PSMF1: variants seen among roughly 807,000 people sequenced by gnomAD.
PSMF1 encodes the protein proteasome inhibitor subunit 1, also known as proteasome inhibitor PI31 subunit.
A neutral mutation model predicts 29.3 loss-of-function variants in PSMF1; 30 were observed. The observed-to-expected ratio is 1.02, with a 90% CI of 0.77 to 1.39. The LOEUF is 1.39. Among genes scored for constraint, PSMF1 ranks in the 40% most tolerant of loss-of-function variants. PSMF1 has a pLI of 0.00. For synonymous variants in PSMF1, 134 were observed against 139.7 expected, an observed-to-expected ratio of 0.96 and a Z score of 0.29; for missense variants, 344 against 357.5, an observed-to-expected ratio of 0.96 and a Z score of 0.31.
intron 4 of PSMF1, among the ~76,000 whole-genome samples, chr20:1,152,009 T>C (rs893591172): frequency 6.6e-6 from 1 of 151,908 alleles, no homozygotes; most frequent in African/African-American, 2.4e-5. Flanking sequence ...ATTTGATCCA[T>C]GGGGTGATGG....
At chr20:1,149,818 T>C (rs2086503356) in intron 4 of PSMF1, among the ~76,000 whole-genome samples, 2 of 152,176 alleles carry the variant, frequency 1.3e-5, no homozygotes, top group African/African-American at 4.8e-5. Flanking sequence ...AGTGAATTGC[T>C]TGAGCCTAGA....
intron 3 of PSMF1, among the ~76,000 whole-genome samples, chr20:1,127,987 T>C (rs945721879): frequency 1.3e-5 from 2 of 152,226 alleles, no homozygotes; most frequent in African/African-American, 4.8e-5. Context: ...TACATAATGA[T>C]TCATTTGTTA....
chr20:1,152,114 G>A (rs762405537), intron 4 of PSMF1, among the ~76,000 whole-genome samples: 4 of 152,150 alleles, frequency 2.6e-5, no homozygotes, highest in Non-Finnish European at 5.9e-5. Flanking sequence ...TATTCTGACA[G>A]TGGACGTGTT....
upstream of PSMF1, chr20:1,117,721 G>A (rs2086025972): frequency 1.3e-5 from 2 of 152,270 alleles, no homozygotes; most frequent in African/African-American, 2.4e-5. Context: ...AATGGAATGG[G>A]GCAGTTCTGA....
rs1279378674 is a variant in PSMF1, at chr20:1,171,648, A to C, written c.*6568A>C. ...GCAGCTAGGCTGAGTGTTAAGAGGAAGGTGCCATACAGGTTCAGCACCCTG... is the reference window on the plus strand; with the variant it reads ...GCAGCTAGGCTGAGTGTTAAGAGGACGGTGCCATACAGGTTCAGCACCCTG... On this transcript the variant is annotated 3_prime_UTR_variant, in exon 7 of 7. Transcript: ENST00000335877. Among the ~76,000 whole-genome samples, 1 of 152,172 alleles carries C rather than the reference A, an allele frequency of 6.6e-6. No homozygotes were observed. The highest frequency in any genetic ancestry group is 1.5e-5 in the Non-Finnish European group (1 of 68,028).
intron 3 of PSMF1, among the ~76,000 whole-genome samples, chr20:1,133,569 A>ATATATATATATATATTTTTTTT: frequency 0.013 from 696 of 52,786 alleles, 19 homozygotes; most frequent in East Asian, 0.02. Context: ...ATATATATAT[A>ATATATATATATATATTTTTTTT]TTTTTTTTTT....
At chr20:1,120,109 C>G (rs181279990) in intron 1 of PSMF1, among the ~76,000 whole-genome samples, 84 of 152,104 alleles carry the variant, frequency 5.5e-4, no homozygotes, top group African/African-American at 1.8e-3. Flanking sequence ...CTCTCTGTCT[C>G]TTAGAACTAA....
intron 4 of PSMF1, among the ~76,000 whole-genome samples, chr20:1,143,768 A>G (rs1449975887): frequency 1.3e-5 from 2 of 152,328 alleles, no homozygotes; most frequent in East Asian, 3.9e-4. Context: ...CTCAAAATCA[A>G]CAGCTTAAGA....
In PSMF1 at chr20:1,163,820, A is replaced by G. The variant is rs74622641; in HGVS notation, c.606-498A>G. On this transcript the variant is annotated intron_variant, in intron 5 of 6. Transcript: ENST00000335877. The surrounding 1 kb of genome is among the most constrained non-coding windows in gnomAD (Gnocchi z 6.1). ...TCCATGAGGGACAGATGCTGTCAGG[A>G]GCCACACTTAGGCAATCTACAGGCA... Among the ~76,000 whole-genome samples the G allele has an allele frequency of 0.068, 10,342 of 152,276 alleles. 884 individuals are homozygous for G. The highest frequency in any genetic ancestry group is 0.19 in the African/African-American group (8,085 of 41,526).
In PSMF1 at chr20:1,125,639, C is replaced by G; in HGVS notation, c.271C>G (p.Leu91Val). 4 of 1,611,930 alleles carry G rather than the reference C, an allele frequency of 2.5e-6. No homozygotes were observed. The highest frequency in any genetic ancestry group is 3.4e-6 in the Non-Finnish European group (4 of 1,178,962). Residue 91 changes from leucine to valine, a missense_variant, in exon 2 of 7, where the codon CTC (leucine) becomes GTC (valine). Transcript: ENST00000335877. Reference sequence around the variant, plus strand: ...CATCACCGTGGAGAGCAGCATGATCCTCAATGTGCTGGTGAGTCTCTGGGA... The same window carrying G: ...CATCACCGTGGAGAGCAGCATGATCGTCAATGTGCTGGTGAGTCTCTGGGA... ...KAITVESSMI[L>V]NVLEYGSQQV... is the part of the protein sequence containing the mutation.
intron 4 of PSMF1, among the ~76,000 whole-genome samples, chr20:1,147,648 T>A (rs924493483): frequency 1.3e-5 from 2 of 152,112 alleles, no homozygotes; most frequent in Admixed American, 6.5e-5. Context: ...CTCTAGCAAA[T>A]TGACAGCCTA....
intron 3 of PSMF1, among the ~76,000 whole-genome samples, chr20:1,134,329 G>C (rs768837118): frequency 6.6e-6 from 1 of 151,946 alleles, no homozygotes; most frequent in Admixed American, 6.6e-5. Context: ...TTGTGACTTT[G>C]ATCCAAGGAT....
intron 2 of PSMF1, 133 bp downstream of exon 2, chr20:1,125,783 T>C: frequency 8.1e-7 from 1 of 1,240,282 alleles, no homozygotes; most frequent in Non-Finnish European, 1.1e-6. Flanking sequence ...CTTCTGGAAC[T>C]TTATCTTAAG....
intron 3 of PSMF1, chr20:1,134,797 G>A: frequency 2.5e-6 from 1 of 404,832 alleles, no homozygotes. Flanking sequence ...ATGAAGCTGA[G>A]GGAGGGGTGA....
Position 1,169,829 on chromosome 20 carries a change from G to A in PSMF1, c.*4749G>A, listed in dbSNP as rs1344382560. ...TGGTACTGGCATGGAATATTGGGGAGATGTCTTTATTCCCTCTTCCCACCT... is the reference window on the plus strand; with the variant it reads ...TGGTACTGGCATGGAATATTGGGGAAATGTCTTTATTCCCTCTTCCCACCT... On this transcript the variant is annotated 3_prime_UTR_variant, in exon 7 of 7. Transcript: ENST00000335877. 6.6e-6 allele frequency among the ~76,000 whole-genome samples: 1 copy of A among 152,188 alleles called. No homozygotes were observed. Among genetic ancestry groups the A allele is most frequent in the Non-Finnish European group, 1.5e-5 (1 of 68,036 alleles).
At chr20:1,118,467 T>C (rs2086034337), upstream of PSMF1, 2 of 271,620 alleles carry the variant, frequency 7.4e-6, no homozygotes, top group Middle Eastern at 1.1e-3. Context: ...TCCTGTCGAC[T>C]GCCGCCAAGA....
intron 4 of PSMF1, among the ~76,000 whole-genome samples, chr20:1,146,164 A>C (rs866936932): frequency 1.5e-4 from 23 of 152,066 alleles, no homozygotes; most frequent in African/African-American, 5.1e-4. Context: ...TAGCACAGAG[A>C]TACTTCATGA....
At chr20:1,119,522 C>G (rs914591308) in intron 1 of PSMF1, among the ~76,000 whole-genome samples, 9 of 152,136 alleles carry the variant, frequency 5.9e-5, no homozygotes, top group Non-Finnish European at 1.3e-4. Context: ...GAAGCAATCA[C>G]CCCCAGAGTC....
Position 1,172,054 on chromosome 20 carries a change from C to A in PSMF1, c.*6974C>A, listed in dbSNP as rs1448343984. Among the ~76,000 whole-genome samples, 1 of 152,196 alleles carries A rather than the reference C, an allele frequency of 6.6e-6. No individual in the cohort carries two copies. The highest frequency in any genetic ancestry group is 2.4e-5 in the African/African-American group (1 of 41,444). Reference sequence around the variant, plus strand: ...CAAGATCCTGCCTATCTGTGAGAGTCCATGACTAAGTGGGCCATGGGCTGG... The same window carrying A: ...CAAGATCCTGCCTATCTGTGAGAGTACATGACTAAGTGGGCCATGGGCTGG... On this transcript the variant is annotated 3_prime_UTR_variant, in exon 7 of 7. Coordinates refer to ENST00000335877, the MANE Select transcript of PSMF1 (RefSeq NM_006814.5).
Sources: allele counts gnomAD v4.1 joint callset (sites outside exome capture counted in the v4.1 genomes callset), GRCh38; gene constraint gnomAD v4.1.1; non-coding constraint Gnocchi (gnomAD v3.1); transcripts MANE v1.5; gene names NCBI Gene and HGNC (gene_info 2026-07-23, HGNC 2026-07-21).